The following NMBR variants were observed in gnomAD, a reference collection of about 807,000 sequenced individuals.
NMBR encodes the protein neuromedin B receptor.
In NMBR, 16 loss-of-function variants were observed where a neutral mutation model predicts 20.5. That is an observed-to-expected ratio of 0.78 (90% CI 0.53 to 1.19). NMBR has a LOEUF of 1.19. Ranked by LOEUF, NMBR falls within the 50% of genes most tolerant of loss-of-function variation. The probability of loss-of-function intolerance (pLI) is 0.00; values close to 1 mark genes in which losing one functional copy is unlikely to be tolerated. For missense variants in NMBR, 582 were observed against 499.1 expected, an observed-to-expected ratio of 1.17 and a Z score of -1.58; for synonymous variants, 212 against 196.6, an observed-to-expected ratio of 1.08 and a Z score of -0.65.
chr6:142,117,230 G>A (rs964017535), intron 1 of NMBR, among the ~76,000 whole-genome samples: 3 of 151,894 alleles, frequency 2.0e-5, no homozygotes, highest in Non-Finnish European at 2.9e-5. Flanking sequence ...ATATGTGATG[G>A]ATTTAATAGT....
chr6:142,078,422 C>T (rs1341910426), intron 3 of NMBR, 133 bp downstream of exon 3: 6 of 596,234 alleles, frequency 1.0e-5, no homozygotes, highest in Non-Finnish European at 1.5e-5. Flanking sequence ...CCCACATATC[C>T]CTTCTAGTTA....
At chr6:142,102,454 C>T (rs889684073) in intron 1 of NMBR, among the ~76,000 whole-genome samples, 2 of 151,032 alleles carry the variant, frequency 1.3e-5, no homozygotes, top group African/African-American at 4.9e-5. Flanking sequence ...TCCCCTACAA[C>T]TGAATATCTA....
At position 142,075,132 on chromosome 6, in the gene NMBR, A is replaced by T; in HGVS notation, c.*516T>A. ...TATACACACACACACACACTCATGC[A>T]ATAGTTGTGAATTGAATGAAATTCA... On this transcript the variant is annotated 3_prime_UTR_variant, in exon 4 of 4. Coordinates refer to ENST00000258042, the MANE Select transcript of NMBR (RefSeq NM_002511.4). Among the ~76,000 whole-genome samples, 1 of 151,766 alleles carries T rather than the reference A, an allele frequency of 6.6e-6. No individual in the cohort carries two copies. The highest frequency in any genetic ancestry group is 6.6e-5 in the Admixed American group (1 of 15,228).
chr6:142,141,694 T>C (rs919807800), intron 1 of NMBR, among the ~76,000 whole-genome samples: 5 of 152,032 alleles, frequency 3.3e-5, no homozygotes, highest in African/African-American at 7.2e-5. Context: ...TTAGTAGAGA[T>C]GGGGTTTCAC....
intron 1 of NMBR, among the ~76,000 whole-genome samples, chr6:142,094,941 T>A (rs1010515891): frequency 6.6e-6 from 1 of 152,216 alleles, no homozygotes; most frequent in Non-Finnish European, 1.5e-5. Flanking sequence ...ACTCATGATT[T>A]GGTTCTCTGT....
At chr6:142,120,578 T>A (rs138842881) in intron 1 of NMBR, among the ~76,000 whole-genome samples, 1 of 151,958 alleles carries the variant, frequency 6.6e-6, no homozygotes, top group East Asian at 1.9e-4. Flanking sequence ...TTAAAAACAT[T>A]TGAAATACAA....
chr6:142,108,189 C>G (rs1777692940), intron 1 of NMBR, among the ~76,000 whole-genome samples: 1 of 151,926 alleles, frequency 6.6e-6, no homozygotes, highest in Non-Finnish European at 1.5e-5. Flanking sequence ...TGACTGAAAA[C>G]CTTCCAAATT....
intron 1 of NMBR, chr6:142,133,904 C>G (rs781734823): frequency 1.3e-5 from 9 of 701,748 alleles, no homozygotes; most frequent in East Asian, 5.4e-5. Context: ...TGGATCGATC[C>G]GAATATTCTT....
intron 1 of NMBR, among the ~76,000 whole-genome samples, chr6:142,122,194 TG>T (rs1391851123): frequency 1.3e-5 from 2 of 151,930 alleles, no homozygotes; most frequent in African/African-American, 4.8e-5. Flanking sequence ...CAGCTGAGTT[TG>T]TATTCGGTTA....
At chr6:142,079,126 GAAGA>G (rs1554257075) in intron 2 of NMBR, among the ~76,000 whole-genome samples, 5 of 103,278 alleles carry the variant, frequency 4.8e-5, no homozygotes, top group Admixed American at 3.3e-4. Flanking sequence ...AAGAAAGAAA[GAAGA>G]AAGAAAGAAA....
intron 1 of NMBR, among the ~76,000 whole-genome samples, chr6:142,116,376 T>C (rs376036081): frequency 6.6e-6 from 1 of 151,988 alleles, no homozygotes; most frequent in African/African-American, 2.4e-5. Context: ...AGAGGGTATG[T>C]AGAGTTATTA....
At chr6:142,121,324 CAA>C (rs1385394631) in intron 1 of NMBR, among the ~76,000 whole-genome samples, 1 of 151,850 alleles carries the variant, frequency 6.6e-6, no homozygotes, top group Non-Finnish European at 1.5e-5. Flanking sequence ...AGTGTTCAAG[CAA>C]AAGAGTCACA....
At chr6:142,136,720 C>T (rs1235649034) in intron 1 of NMBR, among the ~76,000 whole-genome samples, 1 of 152,192 alleles carries the variant, frequency 6.6e-6, no homozygotes, top group East Asian at 1.9e-4. Flanking sequence ...ATATGGCTAG[C>T]CAGTTTTCCC....
intron 1 of NMBR, among the ~76,000 whole-genome samples, chr6:142,120,027 T>C (rs1326158761): frequency 2.0e-5 from 3 of 151,976 alleles, no homozygotes; most frequent in Admixed American, 6.6e-5. Flanking sequence ...ATATTACAAA[T>C]ATTGCAAAAT....
intron 1 of NMBR, among the ~76,000 whole-genome samples, chr6:142,119,859 A>T (rs543996097): frequency 1.3e-5 from 2 of 151,978 alleles, no homozygotes; most frequent in Admixed American, 1.3e-4. Context: ...ACTACTTGTC[A>T]CTTGCATGGA....
intron 3 of NMBR, among the ~76,000 whole-genome samples, chr6:142,076,981 A>C (rs1244886830): frequency 2.0e-5 from 3 of 152,240 alleles, no homozygotes; most frequent in African/African-American, 7.2e-5. Flanking sequence ...TAATGGAGGA[A>C]GCGAAGAAAG....
In NMBR at chr6:142,084,030, G is replaced by C. The variant is rs139370667; in HGVS notation, c.422+4207C>G. On this transcript the variant is annotated intron_variant, in intron 2 of 3. Transcript: ENST00000258042. ...CAAGGGCTATGGAGCAAAAAAGAAA[G>C]CATCATCTCCAGTCAGGGGCAGCTG... 8.6e-3 allele frequency among the ~76,000 whole-genome samples: 1,309 copies of C among 152,228 alleles called. 50 individuals carry two copies. Among genetic ancestry groups the C allele is most frequent in the Admixed American group, 0.063 (970 of 15,294 alleles).
At chr6:142,140,106 C>T (rs2114614452) in intron 1 of NMBR, among the ~76,000 whole-genome samples, 1 of 151,896 alleles carries the variant, frequency 6.6e-6, no homozygotes, top group Non-Finnish European at 1.5e-5. Flanking sequence ...AAAAAGGAAA[C>T]ATAAATGTAA....
chr6:142,144,501 C>T (rs966108198), intron 1 of NMBR, among the ~76,000 whole-genome samples: 1 of 152,132 alleles, frequency 6.6e-6, no homozygotes, highest in East Asian at 1.9e-4. Flanking sequence ...TTTTGTTCTA[C>T]AGCTCTGCCC....
Sources: allele counts gnomAD v4.1 joint callset (sites outside exome capture counted in the v4.1 genomes callset), GRCh38; gene constraint gnomAD v4.1.1; transcripts MANE v1.5; gene names NCBI Gene and HGNC (gene_info 2026-07-23, HGNC 2026-07-21).